CNNM2: variants seen among roughly 807,000 people sequenced by gnomAD.
CNNM2 encodes the protein metal transporter CNNM2.
Under a neutral mutation model 66.9 loss-of-function variants are expected in CNNM2, and 12 were observed. The ratio of observed to expected loss-of-function variants is 0.18; its 90% CI spans 0.11 to 0.29. CNNM2 has a LOEUF of 0.29. CNNM2 is among the 10% of genes least tolerant of loss of function. The pLI, the probability that CNNM2 is intolerant of heterozygous loss-of-function variation, is 1.00. For synonymous variants in CNNM2, 557 were observed against 501.8 expected (o/e 1.11, Z -1.47); for missense variants, 705 against 1,167.7 (o/e 0.60, Z 5.77).
chr10:103,058,394 CA>C (rs563447061), intron 4 of CNNM2, among the ~76,000 whole-genome samples: 17 of 152,218 alleles, frequency 1.1e-4, no homozygotes, highest in Middle Eastern at 3.4e-3. Flanking sequence ...AAGACTGTCA[CA>C]GGAGGAATTG....
At chr10:102,987,924 G>A (rs1431704355) in intron 1 of CNNM2, among the ~76,000 whole-genome samples, 1 of 152,168 alleles carries the variant, frequency 6.6e-6, no homozygotes, top group Non-Finnish European at 1.5e-5. Flanking sequence ...AGGCCTCAAT[G>A]TGAAGACCTG....
intron 6 of CNNM2, among the ~76,000 whole-genome samples, chr10:103,072,277 A>T (rs1216047851): frequency 6.6e-6 from 1 of 152,216 alleles, no homozygotes; most frequent in African/African-American, 2.4e-5. Context: ...CAAAGGCCTG[A>T]GAGCTGTGAA....
At chr10:103,015,524 A>G (rs913713626) in intron 1 of CNNM2, among the ~76,000 whole-genome samples, 3 of 152,212 alleles carry the variant, frequency 2.0e-5, no homozygotes, top group African/African-American at 7.2e-5. Flanking sequence ...ACCGAGGACC[A>G]TCTCTAGCAC....
intron 1 of CNNM2, among the ~76,000 whole-genome samples, chr10:102,970,334 G>A (rs982332476): frequency 6.6e-6 from 1 of 152,138 alleles, no homozygotes; most frequent in African/African-American, 2.4e-5. Context: ...TGTGATATGT[G>A]AAAATTACAT....
At chr10:102,996,917 T>C (rs564944585) in intron 1 of CNNM2, among the ~76,000 whole-genome samples, 2 of 152,304 alleles carry the variant, frequency 1.3e-5, no homozygotes, top group African/African-American at 4.8e-5. Context: ...TTCTATTCAC[T>C]CACATCTCCA....
intron 1 of CNNM2, among the ~76,000 whole-genome samples, chr10:102,998,068 G>C (rs1434907126): frequency 1.3e-5 from 2 of 151,838 alleles, no homozygotes; most frequent in Non-Finnish European, 2.9e-5. Context: ...GATTAAGTTA[G>C]AGTTAACAAA....
rs1253797994 is a variant in CNNM2 at position 103,079,573 on chromosome 10, A to C, written c.*2393A>C. ...GATGCCAGCTGCTGCCTCTGACTTC[A>C]GGGAGAAGCAGACTTCTTAATACTG... On this transcript the variant is annotated 3_prime_UTR_variant, in exon 8 of 8. Transcript: ENST00000369878. The C allele has an allele frequency of 3.3e-5, 5 of 152,278 alleles. No individual in the cohort carries two copies. The highest frequency in any genetic ancestry group is 7.2e-5 in the African/African-American group (3 of 41,460). 9.4% of individuals were successfully genotyped at this position (152,278 alleles called of 1,614,324 possible). A position where few individuals can be genotyped will look rare whatever the true frequency, so the allele number is the denominator to read the frequency against.
At chr10:102,932,165 G>A (rs185815797) in intron 1 of CNNM2, among the ~76,000 whole-genome samples, 154 of 151,628 alleles carry the variant, frequency 1.0e-3, no homozygotes, top group Middle Eastern at 3.4e-3. Flanking sequence ...CTTTGAAGCA[G>A]AAAAAGGTTT....
chr10:103,009,276 A>C (rs1378036172), intron 1 of CNNM2, among the ~76,000 whole-genome samples: 1 of 148,272 alleles, frequency 6.7e-6, no homozygotes, highest in East Asian at 1.9e-4. Flanking sequence ...ACTCCGTCTC[A>C]AAAAAAACGG....
intron 1 of CNNM2, among the ~76,000 whole-genome samples, chr10:102,998,545 A>T (rs1185395876): frequency 6.6e-6 from 1 of 152,194 alleles, no homozygotes; most frequent in African/African-American, 2.4e-5. Flanking sequence ...TAAAATTATC[A>T]ATGTGATTAT....
intron 1 of CNNM2, among the ~76,000 whole-genome samples, chr10:102,936,802 T>A (rs974183733): frequency 6.6e-6 from 1 of 152,184 alleles, no homozygotes; most frequent in African/African-American, 2.4e-5. Flanking sequence ...TTGCTCCAAG[T>A]TTTTCTGTTT....
At position 103,088,134 on chromosome 10, in the gene CNNM2, C is replaced by G. The variant is rs1446290835; in HGVS notation, c.*10954C>G. 6.6e-6 allele frequency: 1 copy of G among 152,194 alleles called. No individual in the cohort carries two copies. The highest frequency in any genetic ancestry group is 1.9e-4 in the East Asian group (1 of 5,204). The allele number at this position is 152,194 out of a possible 1,614,324, so 9.4% of individuals were successfully genotyped here. A position where few individuals can be genotyped will look rare whatever the true frequency, so the allele number is the denominator to read the frequency against. On this transcript the variant is annotated 3_prime_UTR_variant, in exon 8 of 8. Transcript: ENST00000369878. Reference sequence around the variant, plus strand: ...ACCAATAGCTATTACAGTTGTACTACAGAATAGGTCAAAGTCACCGTTAGA... The same window carrying G: ...ACCAATAGCTATTACAGTTGTACTAGAGAATAGGTCAAAGTCACCGTTAGA...
In CNNM2 at chr10:103,022,895, A is replaced by G. The variant is rs567378954; in HGVS notation, c.1622-26812A>G. On this transcript the variant is annotated intron_variant, in intron 1 of 7. Coordinates refer to ENST00000369878, the MANE Select transcript of CNNM2 (RefSeq NM_017649.5). ...AGAGAGAGCAAGAGAAAGGAGGAGAAGGTTCAGACTCTTTATTTTTTTTTG... is the reference window on the plus strand; with the variant it reads ...AGAGAGAGCAAGAGAAAGGAGGAGAGGGTTCAGACTCTTTATTTTTTTTTG... Among the ~76,000 whole-genome samples the G allele has an allele frequency of 2.0e-5, 3 of 150,694 alleles. No homozygotes were observed. In the South Asian group the frequency reaches 6.4e-4, roughly 32 times the overall value.
At chr10:102,938,273 TAA>T (rs540328702) in intron 1 of CNNM2, among the ~76,000 whole-genome samples, 2 of 141,466 alleles carry the variant, frequency 1.4e-5, no homozygotes, top group Non-Finnish European at 1.5e-5. Flanking sequence ...CCATCTCTTC[TAA>T]AAAAAAAAAA....
intron 1 of CNNM2, among the ~76,000 whole-genome samples, chr10:102,934,315 C>T (rs1400031290): frequency 6.8e-6 from 1 of 147,604 alleles, no homozygotes; most frequent in Non-Finnish European, 1.5e-5. Flanking sequence ...TGCTCTGTCG[C>T]CCAGGCTGGA....
intron 1 of CNNM2, among the ~76,000 whole-genome samples, chr10:102,954,097 A>G (rs1466773204): frequency 6.6e-6 from 1 of 151,558 alleles, no homozygotes; most frequent in African/African-American, 2.4e-5. Flanking sequence ...TTTTCTATGT[A>G]ACATTGTATT....
At chr10:103,045,732 G>A (rs2065117647) in intron 1 of CNNM2, among the ~76,000 whole-genome samples, 1 of 152,174 alleles carries the variant, frequency 6.6e-6, no homozygotes, top group African/African-American at 2.4e-5. Context: ...TTTGGATTGG[G>A]AAAACCAATA....
rs755555579 is a variant in CNNM2, at chr10:103,089,699, ATCATCATCTTCG to A, written c.*12524_*12535del. Reference sequence around the variant, plus strand: ...ATTCTTCCTCCTCCTCCTCCTCTTCATCATCATCTTCGTCATGGCAGTGTGTAATTTCCTGGG... The same window carrying A: ...ATTCTTCCTCCTCCTCCTCCTCTTCATCATGGCAGTGTGTAATTTCCTGGG... On this transcript the variant is annotated 3_prime_UTR_variant, in exon 8 of 8. Coordinates refer to ENST00000369878, the MANE Select transcript of CNNM2 (RefSeq NM_017649.5). 2.5e-6 allele frequency: 4 copies of A among 1,609,900 alleles called. No individual in the cohort carries two copies. The highest frequency in any genetic ancestry group is 2.2e-5 in the East Asian group (1 of 44,820).
intron 1 of CNNM2, among the ~76,000 whole-genome samples, chr10:103,008,398 T>C (rs1023455782): frequency 5.9e-5 from 9 of 152,362 alleles, no homozygotes; most frequent in African/African-American, 2.2e-4. Context: ...ATGTGTTGTA[T>C]ACTTGAGAAG....
Sources: gnomAD v4.1 joint callset for allele counts (sites outside exome capture counted in the v4.1 genomes callset) on GRCh38, gnomAD v4.1.1 for gene constraint, MANE v1.5 for transcripts, NCBI Gene and HGNC (gene_info 2026-07-23, HGNC 2026-07-21) for gene names.